Variants in SYNRG observed in about 807,000 individuals in gnomAD.
The protein encoded by SYNRG is AP1 gamma subunit binding protein 1.
Under a neutral mutation model 130.9 loss-of-function variants are expected in SYNRG, and 37 were observed. The ratio of observed to expected loss-of-function variants is 0.28; its 90% CI spans 0.22 to 0.37. The LOEUF (loss-of-function observed/expected upper bound fraction) is 0.37, where lower values mean the gene tolerates loss of function less well. Ranked by LOEUF, SYNRG falls within the 10% of genes least tolerant of loss-of-function variation. The pLI is 1.00. For missense variants in SYNRG, 1,338 were observed against 1,588.9 expected (o/e 0.84, Z 2.68); for synonymous variants, 539 against 568.1 (o/e 0.95, Z 0.73).
At chr17:37,581,620 T>C (rs545384260) in intron 6 of SYNRG, among the ~76,000 whole-genome samples, 12 of 151,912 alleles carry the variant, frequency 7.9e-5, no homozygotes, top group African/African-American at 2.9e-4. Context: ...GGAGTCTAGC[T>C]CTGTCGCCCA....
chr17:37,520,442 T>G (rs1288180270), intron 20 of SYNRG, 96 bp downstream of exon 20: 2 of 1,270,172 alleles, frequency 1.6e-6, no homozygotes, highest in Non-Finnish European at 2.3e-6. Flanking sequence ...TCCCCACCTC[T>G]GGTCACAAAC....
rs1184971666 is a variant in SYNRG at position 37,520,526 on chromosome 17, TG to T, written c.3777+11del. On this transcript the variant is annotated intron_variant, in intron 20 of 21. Coordinates refer to ENST00000612223, the MANE Select transcript of SYNRG (RefSeq NM_007247.6). ...AGCCCTTTGCTGTCTGCAAGGAGGCTGCGTGACTTACCCGGCTCCTCGAGTC... is the reference window on the plus strand; with the variant it reads ...AGCCCTTTGCTGTCTGCAAGGAGGCTCGTGACTTACCCGGCTCCTCGAGTC... 1.2e-6 allele frequency: 2 copies of T among 1,612,846 alleles called. No homozygotes were observed.
intron 18 of SYNRG, 145 bp from the exon 19 acceptor site, chr17:37,536,272 C>A (rs918216083): frequency 1.3e-5 from 13 of 1,000,890 alleles, no homozygotes; most frequent in African/African-American, 6.5e-5. Flanking sequence ...TGGGACCAAT[C>A]CACTTCTCAA....
rs762283992 is a variant in SYNRG, at chr17:37,553,560, A to C, written c.2163T>G (p.Pro721=). The change falls in exon 14 of 22, where the codon CCT becomes CCG. Residue 721 remains proline, a synonymous_variant. Transcript: ENST00000612223. ...KYDALKEEAS[P]VPLTSNVGST... ...TGCCCACGTTGCTGGTTAGAGGAACAGGACTGGCTTCCTCTTTAAGGGCAT... is the reference window on the plus strand; with the variant it reads ...TGCCCACGTTGCTGGTTAGAGGAACCGGACTGGCTTCCTCTTTAAGGGCAT... 1.2e-6 allele frequency: 2 copies of C among 1,614,230 alleles called. No individual in the cohort carries two copies. Among genetic ancestry groups the C allele is most frequent in the South Asian group, 2.2e-5 (2 of 91,084 alleles).
At chr17:37,601,972 T>C (rs187144608) in intron 1 of SYNRG, among the ~76,000 whole-genome samples, 14 of 152,086 alleles carry the variant, frequency 9.2e-5, no homozygotes, top group Admixed American at 2.0e-4. Flanking sequence ...CTAGGCTCTT[T>C]TGAATAAAGG....
At chr17:37,589,670 A>G (rs1380188914) in intron 3 of SYNRG, among the ~76,000 whole-genome samples, 1 of 151,454 alleles carries the variant, frequency 6.6e-6, no homozygotes, top group Non-Finnish European at 1.5e-5. Flanking sequence ...AACGGTGTGA[A>G]CCCGGGAGGC....
Position 37,565,845 on chromosome 17 carries a change from C to T in SYNRG, c.1481+2946G>A, listed in dbSNP as rs540331208. On this transcript the variant is annotated intron_variant, in intron 11 of 21. Transcript: ENST00000612223. ...CTGAGAAGTGAGGAGCCTCTCCACC[C>T]GGCAGCCACCCCATCTGGGAAGTGA... is the stretch of plus-strand genomic sequence containing the variant. Among the ~76,000 whole-genome samples the T allele has an allele frequency of 2.1e-3, 313 of 150,710 alleles. 4 individuals carry two copies. The highest frequency in any genetic ancestry group is 7.2e-3 in the African/African-American group (295 of 40,704).
intron 6 of SYNRG, among the ~76,000 whole-genome samples, chr17:37,583,609 G>C (rs987153611): frequency 1.3e-5 from 2 of 152,150 alleles, no homozygotes; most frequent in Non-Finnish European, 2.9e-5. Flanking sequence ...TACTTTCTTG[G>C]CTGGCTAAAT....
At chr17:37,578,027 G>A (rs1050035527) in intron 6 of SYNRG, among the ~76,000 whole-genome samples, 1 of 151,634 alleles carries the variant, frequency 6.6e-6, no homozygotes, top group Non-Finnish European at 1.5e-5. Flanking sequence ...GGGAGGCCCT[G>A]CCACGTATAA....
In SYNRG at chr17:37,586,714, T is replaced by C. The variant is rs558474618; in HGVS notation, c.241-165A>G. Among the ~76,000 whole-genome samples, 4 of 152,244 alleles carry C rather than the reference T, an allele frequency of 2.6e-5. No homozygotes were observed. In the East Asian group the frequency reaches 7.7e-4, roughly 29 times the overall value. The stretch of plus-strand genomic sequence containing the variant: ...TGCAAATAAATAAAAGATGCAAATA[T>C]ACAAAGAAATATATTATATTAAAAG... On this transcript the variant is annotated intron_variant, in intron 3 of 21. Coordinates refer to ENST00000612223, the MANE Select transcript of SYNRG (RefSeq NM_007247.6).
At chr17:37,569,409 GAAA>G (rs530693398) in intron 10 of SYNRG, among the ~76,000 whole-genome samples, 4 of 59,382 alleles carry the variant, frequency 6.7e-5, no homozygotes, top group South Asian at 5.8e-4. Context: ...GACTCTGGCT[GAAA>G]AAAAAAAAAA....
rs142873793 is a variant in SYNRG at position 37,599,501 on chromosome 17, G to A, written c.118+862C>T. Reference sequence around the variant, plus strand: ...TTTGGGAGGCCAAGGCAGGAGAATCGCTTAAGCCGAGGAATTTGATACCAG... The same window carrying A: ...TTTGGGAGGCCAAGGCAGGAGAATCACTTAAGCCGAGGAATTTGATACCAG... On this transcript the variant is annotated intron_variant, in intron 2 of 21. Transcript: ENST00000612223. 2.4e-3 allele frequency among the ~76,000 whole-genome samples: 365 copies of A among 152,284 alleles called. 2 individuals are homozygous for A. Among genetic ancestry groups the A allele is most frequent in the African/African-American group, 8.4e-3 (349 of 41,568 alleles).
At chr17:37,549,633 C>G (rs544596739) in intron 14 of SYNRG, among the ~76,000 whole-genome samples, 33 of 152,280 alleles carry the variant, frequency 2.2e-4, no homozygotes, top group African/African-American at 7.9e-4. Context: ...CTCTGTCACC[C>G]AGGCTGGAGT....
chr17:37,526,698 G>C (rs575976532), intron 19 of SYNRG, among the ~76,000 whole-genome samples: 28 of 152,230 alleles, frequency 1.8e-4, no homozygotes, highest in African/African-American at 6.7e-4. Flanking sequence ...CCAGCAGGTA[G>C]CATCTGCCAC....
At chr17:37,575,662 G>C (rs2060769729) in intron 8 of SYNRG, among the ~76,000 whole-genome samples, 1 of 151,670 alleles carries the variant, frequency 6.6e-6, no homozygotes, top group African/African-American at 2.4e-5. Context: ...GCAACATGAC[G>C]AGACCCCGTC....
chr17:37,576,268 T>C lies in SYNRG; in HGVS notation c.901+73A>G, dbSNP rs2060828211. On this transcript the variant is annotated intron_variant, in intron 8 of 21. Coordinates refer to ENST00000612223, the MANE Select transcript of SYNRG (RefSeq NM_007247.6). ...CATTTTTTGTAAGTGCAACAGTAAA[T>C]ATTTACAACTACATTTACAATATTT... 6 of 1,474,076 alleles carry C rather than the reference T, an allele frequency of 4.1e-6. No individual in the cohort carries two copies. In the Admixed American group the frequency reaches 1.1e-4, roughly 27 times the overall value. The allele number at this position is 1,474,076 out of a possible 1,614,324, so 91.3% of individuals were successfully genotyped here.
chr17:37,591,772 A>C (rs773796466), intron 3 of SYNRG, among the ~76,000 whole-genome samples: 10 of 152,230 alleles, frequency 6.6e-5, no homozygotes, highest in Non-Finnish European at 1.2e-4. Flanking sequence ...GAGATAAAAA[A>C]CAACCTCAAT....
intron 6 of SYNRG, chr17:37,579,111 A>T: frequency 2.5e-5 from 28 of 1,122,972 alleles, no homozygotes; most frequent in Non-Finnish European, 3.0e-5. Flanking sequence ...GAATATTTTC[A>T]TTAATAATGC....
chr17:37,604,318 C>T (rs549535148), intron 1 of SYNRG, among the ~76,000 whole-genome samples: 10 of 151,918 alleles, frequency 6.6e-5, no homozygotes, highest in Non-Finnish European at 1.5e-4. Context: ...GAATAACTTG[C>T]TAAAGCTTCT....
Sources: gnomAD v4.1 joint callset for allele counts (sites outside exome capture counted in the v4.1 genomes callset) on GRCh38, gnomAD v4.1.1 for gene constraint, MANE v1.5 for transcripts, NCBI Gene and HGNC (gene_info 2026-07-23, HGNC 2026-07-21) for gene names.